Variants in PTPRR observed in about 807,000 individuals in gnomAD.
PTPRR encodes protein tyrosine phosphatase receptor type R, also known as receptor-type tyrosine-protein phosphatase R.
In PTPRR, 38 loss-of-function variants were observed where a neutral mutation model predicts 77.2. That is an observed-to-expected ratio of 0.49 (90% CI 0.38 to 0.65). PTPRR has a LOEUF of 0.65. Among genes scored for constraint, PTPRR ranks in the 30% least tolerant of loss-of-function variants. The probability of loss-of-function intolerance (pLI) is 0.00; values close to 1 mark genes in which losing one functional copy is unlikely to be tolerated. For synonymous variants in PTPRR, 299 were observed against 283.1 expected (o/e 1.06, Z -0.57); for missense variants, 744 against 799.2 (o/e 0.93, Z 0.83).
intron 2 of PTPRR, among the ~76,000 whole-genome samples, chr12:70,831,866 G>A (rs367855360): frequency 1.9e-4 from 29 of 152,216 alleles, no homozygotes; most frequent in Admixed American, 1.5e-3. Flanking sequence ...AGAGCTTGCC[G>A]CTTGAACTGA....
At chr12:70,650,230 G>A (rs528246355) in intron 13 of PTPRR, among the ~76,000 whole-genome samples, 20 of 152,166 alleles carry the variant, frequency 1.3e-4, no homozygotes, top group African/African-American at 4.1e-4. Flanking sequence ...ATCACCTGAG[G>A]TCAGGAGTTC....
chr12:70,862,244 T>G (rs982434418), intron 2 of PTPRR, among the ~76,000 whole-genome samples: 23 of 152,216 alleles, frequency 1.5e-4, no homozygotes, highest in Non-Finnish European at 3.4e-4. Flanking sequence ...TACCTATGGG[T>G]AACCTACTTG....
At chr12:70,900,034 CTAAA>C (rs1893504237) in intron 1 of PTPRR, among the ~76,000 whole-genome samples, 1 of 151,174 alleles carries the variant, frequency 6.6e-6, no homozygotes, top group South Asian at 2.1e-4. Context: ...CAGAGACGAC[CTAAA>C]TAAACAACAA....
chr12:70,744,687 T>C (rs987387520), intron 6 of PTPRR, among the ~76,000 whole-genome samples: 2 of 152,182 alleles, frequency 1.3e-5, no homozygotes, highest in Non-Finnish European at 2.9e-5. Context: ...ATGGGAAATA[T>C]ATTCAAAATT....
At chr12:70,649,148 G>C (rs2136650486) in intron 13 of PTPRR, among the ~76,000 whole-genome samples, 1 of 152,262 alleles carries the variant, frequency 6.6e-6, no homozygotes, top group East Asian at 1.9e-4. Flanking sequence ...AACTTGAGTA[G>C]AAATTGCTTG....
intron 1 of PTPRR, 112 bp from the exon 2 acceptor site, chr12:70,893,089 G>A: frequency 2.6e-6 from 3 of 1,172,788 alleles, no homozygotes; most frequent in Non-Finnish European, 3.6e-6. Context: ...ACTTGTGAAG[G>A]ATTTAGGTTA....
chr12:70,673,957 G>A (rs1887345491), intron 10 of PTPRR, among the ~76,000 whole-genome samples: 1 of 151,500 alleles, frequency 6.6e-6, no homozygotes, highest in Non-Finnish European at 1.5e-5. Context: ...TTTAAGGCAG[G>A]GTCTCATTTT....
intron 2 of PTPRR, among the ~76,000 whole-genome samples, chr12:70,874,314 C>T (rs4237864): frequency 0.47 from 70,906 of 151,822 alleles, 17,238 homozygotes; most frequent in East Asian, 0.59. Flanking sequence ...GTGGCATGGG[C>T]AAGGAGACCA....
intron 2 of PTPRR, among the ~76,000 whole-genome samples, chr12:70,813,239 G>A (rs1378213076): frequency 6.6e-6 from 1 of 152,160 alleles, no homozygotes; most frequent in African/African-American, 2.4e-5. Flanking sequence ...TCAAAATGTT[G>A]ATATGCAATG....
At chr12:70,818,076 G>A (rs1264589443) in intron 2 of PTPRR, among the ~76,000 whole-genome samples, 16 of 151,852 alleles carry the variant, frequency 1.1e-4, no homozygotes, top group African/African-American at 3.9e-4. Flanking sequence ...GCCGGATGTG[G>A]TGGTGCCTGC....
At chr12:70,853,356 C>A (rs1892601598) in intron 2 of PTPRR, among the ~76,000 whole-genome samples, 2 of 152,288 alleles carry the variant, frequency 1.3e-5, no homozygotes, top group Admixed American at 6.5e-5. Context: ...ATTGCAGAAT[C>A]CAGTACTTGA....
chr12:70,752,689 C>T (rs1365707444), intron 5 of PTPRR, among the ~76,000 whole-genome samples: 2 of 152,158 alleles, frequency 1.3e-5, no homozygotes, highest in East Asian at 1.9e-4. Flanking sequence ...ATATTTTCCA[C>T]TTTTATCACT....
intron 2 of PTPRR, among the ~76,000 whole-genome samples, chr12:70,783,473 G>A (rs1456088285): frequency 2.0e-5 from 3 of 152,112 alleles, no homozygotes; most frequent in African/African-American, 7.2e-5. Flanking sequence ...ACTTTCAGCA[G>A]AGAGGATAGC....
At chr12:70,817,371 G>T (rs1891923164) in intron 2 of PTPRR, among the ~76,000 whole-genome samples, 1 of 152,100 alleles carries the variant, frequency 6.6e-6, no homozygotes, top group Non-Finnish European at 1.5e-5. Context: ...TAATAGTATT[G>T]TATCAACGTT....
rs9668478 is a variant in PTPRR, at chr12:70,799,101, C to G, written c.358-34323G>C. On this transcript the variant is annotated intron_variant, in intron 2 of 13. Transcript: ENST00000283228. ...ACCAAACCCCTCAATCAGAGAAAGACAAGTCTAAGATCCGCTTACCTCCCT... is the reference window on the plus strand; with the variant it reads ...ACCAAACCCCTCAATCAGAGAAAGAGAAGTCTAAGATCCGCTTACCTCCCT... Among the ~76,000 whole-genome samples the G allele has an allele frequency of 1.2e-3, 183 of 152,222 alleles. 1 individual carries two copies. The highest frequency in any genetic ancestry group is 4.2e-3 in the African/African-American group (175 of 41,534).
At chr12:70,652,545 A>G (rs1566043983) in intron 13 of PTPRR, among the ~76,000 whole-genome samples, 2 of 152,214 alleles carry the variant, frequency 1.3e-5, no homozygotes, top group Non-Finnish European at 2.9e-5. Context: ...GTCTTGATGA[A>G]GAAATCAGAA....
chr12:70,853,705 A>G (rs914271303), intron 2 of PTPRR, among the ~76,000 whole-genome samples: 1 of 152,126 alleles, frequency 6.6e-6, no homozygotes, highest in Non-Finnish European at 1.5e-5. Flanking sequence ...ACTACTTCTT[A>G]CTTGGCTCTG....
At chr12:70,908,451 T>C (rs901147503) in intron 1 of PTPRR, among the ~76,000 whole-genome samples, 9 of 152,132 alleles carry the variant, frequency 5.9e-5, no homozygotes, top group African/African-American at 1.7e-4. Context: ...CACATCCCTC[T>C]TCACATGGCA....
chr12:70,875,606 C>T (rs1348138849), intron 2 of PTPRR, among the ~76,000 whole-genome samples: 2 of 149,210 alleles, frequency 1.3e-5, no homozygotes, highest in Non-Finnish European at 3.0e-5. Flanking sequence ...AAGTTAAATC[C>T]GCCTTGTAAG....
Sources: gnomAD v4.1 joint callset for allele counts (sites outside exome capture counted in the v4.1 genomes callset) on GRCh38, gnomAD v4.1.1 for gene constraint, MANE v1.5 for transcripts, NCBI Gene and HGNC (gene_info 2026-07-23, HGNC 2026-07-21) for gene names.